The following ATP2B4 variants were observed in gnomAD, a reference collection of about 807,000 sequenced individuals.
ATP2B4 encodes plasma membrane calcium-transporting ATPase 4.
A neutral mutation model predicts 110.3 loss-of-function variants in ATP2B4; 39 were observed. The ratio of observed to expected loss-of-function variants is 0.35; its 90% CI spans 0.27 to 0.46. The LOEUF is 0.46. ATP2B4 is among the 20% of genes least tolerant of loss of function. ATP2B4 has a pLI of 1.00. For missense variants in ATP2B4, 1,135 were observed against 1,530.9 expected (o/e 0.74, Z 4.32); for synonymous variants, 538 against 571.7 (o/e 0.94, Z 0.84).
At chr1:203,696,375 C>T (rs1338090132) in intron 2 of ATP2B4, among the ~76,000 whole-genome samples, 1 of 152,184 alleles carries the variant, frequency 6.6e-6, no homozygotes, top group African/African-American at 2.4e-5. Context: ...CCTTTGCCTC[C>T]GTTTTGTCCC....
intron 2 of ATP2B4, among the ~76,000 whole-genome samples, chr1:203,688,265 T>C (rs533337477): frequency 6.6e-6 from 1 of 151,958 alleles, no homozygotes; most frequent in Admixed American, 6.6e-5. Context: ...ATTACAGGCA[T>C]GAGCCGCCAC....
intron 1 of ATP2B4, among the ~76,000 whole-genome samples, chr1:203,653,579 G>A (rs1290834676): frequency 6.6e-6 from 1 of 152,192 alleles, no homozygotes; most frequent in Non-Finnish European, 1.5e-5. Context: ...AGGGCAGCTG[G>A]TGACTTCAAG....
At chr1:203,708,274 G>T (rs1369745285) in intron 10 of ATP2B4, among the ~76,000 whole-genome samples, 170 bp downstream of exon 10, 1 of 152,146 alleles carries the variant, frequency 6.6e-6, no homozygotes, top group Non-Finnish European at 1.5e-5. Flanking sequence ...ATCCCTGGGA[G>T]TCAATGGAGG....
chr1:203,677,187 T>C lies in ATP2B4; in HGVS notation c.-464-5555T>C, dbSNP rs1234717499. 2.0e-5 allele frequency among the ~76,000 whole-genome samples: 3 copies of C among 152,266 alleles called. No homozygotes were observed. In the East Asian group the frequency reaches 5.8e-4, roughly 29 times the overall value. ...TTCAATGAAACAGTGTATGTAAGAA[T>C]GATAATAGCTACAGTGTGTGGACCA... On this transcript the variant is annotated intron_variant, in intron 1 of 20. Transcript: ENST00000357681.
intron 1 of ATP2B4, among the ~76,000 whole-genome samples, chr1:203,645,888 C>T (rs1197834404): frequency 1.3e-5 from 2 of 152,028 alleles, no homozygotes; most frequent in South Asian, 2.1e-4. Context: ...CGTGCCCGGC[C>T]GTATATTGCC....
At chr1:203,676,638 C>T (rs1558028714) in intron 1 of ATP2B4, among the ~76,000 whole-genome samples, 1 of 152,304 alleles carries the variant, frequency 6.6e-6, no homozygotes, top group East Asian at 1.9e-4. Context: ...AGAGAGAATG[C>T]AGAGCAGGTT....
rs1295889972 is a variant in ATP2B4 at position 203,703,525 on chromosome 1, G to A, written c.938-127G>A. 69 of 1,079,174 alleles carry A rather than the reference G, an allele frequency of 6.4e-5. No homozygotes were observed. The South Asian group carries it at 7.4e-4, about 12-fold the overall frequency. The allele number at this position is 1,079,174 out of a possible 1,614,324, so 66.8% of individuals were successfully genotyped here. A position where few individuals can be genotyped will look rare whatever the true frequency, so the allele number is the denominator to read the frequency against. Reference sequence around the variant, plus strand: ...TGTCTAGCATGGGTTGGAAGTGGTCGGAACTGATGTCAGGGTCCAAGGTAT... The same window carrying A: ...TGTCTAGCATGGGTTGGAAGTGGTCAGAACTGATGTCAGGGTCCAAGGTAT... On this transcript the variant is annotated intron_variant, in intron 7 of 20. Transcript: ENST00000357681.
At chr1:203,730,973 C>A (rs1571776444) in intron 20 of ATP2B4, among the ~76,000 whole-genome samples, 1 of 152,214 alleles carries the variant, frequency 6.6e-6, no homozygotes, top group East Asian at 1.9e-4. Flanking sequence ...CCCCCTGCCA[C>A]CTCCACGTTG....
At chr1:203,638,540 T>C (rs1663530198) in intron 1 of ATP2B4, among the ~76,000 whole-genome samples, 1 of 152,146 alleles carries the variant, frequency 6.6e-6, no homozygotes, top group Non-Finnish European at 1.5e-5. Context: ...CTCATTTTAC[T>C]GAGACAGAGC....
Position 203,700,738 on chromosome 1 carries a change from C to A in ATP2B4, c.776-60C>A, listed in dbSNP as rs1477627977. The A allele has an allele frequency of 4.4e-6, 7 of 1,600,244 alleles. No individual in the cohort carries two copies. The Admixed American group carries it at 1.0e-4, about 23-fold the overall frequency. The stretch of plus-strand genomic sequence containing the variant: ...TTTTCTTCTAAGTTTGTGTTTCATA[C>A]CAAATCATGTCTAGGTATTAAAAAA... On this transcript the variant is annotated intron_variant, in intron 5 of 20. Coordinates refer to ENST00000357681, the MANE Select transcript of ATP2B4 (RefSeq NM_001684.5).
chr1:203,634,795 C>T (rs377574504), intron 1 of ATP2B4, among the ~76,000 whole-genome samples: 3 of 152,120 alleles, frequency 2.0e-5, no homozygotes, highest in Non-Finnish European at 4.4e-5. Context: ...TCCCAAGTAC[C>T]TAGGACTACA....
intron 1 of ATP2B4, among the ~76,000 whole-genome samples, chr1:203,665,110 C>T (rs1664464720): frequency 6.6e-6 from 1 of 152,154 alleles, no homozygotes. Flanking sequence ...TGAGCCACCG[C>T]ACCCGGCCCT....
intron 1 of ATP2B4, among the ~76,000 whole-genome samples, chr1:203,649,130 C>T (rs1393809391): frequency 6.6e-6 from 1 of 152,108 alleles, no homozygotes; most frequent in Non-Finnish European, 1.5e-5. Context: ...TCCTTACTCC[C>T]CTGAGGTTGG....
At chr1:203,734,824 G>A (rs2102238497) in intron 20 of ATP2B4, among the ~76,000 whole-genome samples, 1 of 151,794 alleles carries the variant, frequency 6.6e-6, no homozygotes, top group South Asian at 2.1e-4. Context: ...CCAATATGGT[G>A]AAACCCTGTC....
At chr1:203,739,451 G>T in intron 20 of ATP2B4, 95 bp from the exon 21 acceptor site, 1 of 1,285,520 alleles carries the variant, frequency 7.8e-7, no homozygotes, top group South Asian at 1.4e-5. Flanking sequence ...TATAGTCTGG[G>T]TTTTGTTTCT....
At chr1:203,676,974 T>C (rs924936564) in intron 1 of ATP2B4, among the ~76,000 whole-genome samples, 1 of 152,200 alleles carries the variant, frequency 6.6e-6, no homozygotes, top group East Asian at 1.9e-4. Context: ...CAGATGGGTT[T>C]ATGTGAGCCT....
chr1:203,705,717 C>T (rs1269183013), intron 8 of ATP2B4, among the ~76,000 whole-genome samples: 1 of 152,172 alleles, frequency 6.6e-6, no homozygotes, highest in African/African-American at 2.4e-5. Flanking sequence ...GTACCTGTCC[C>T]CTGCCTTGTT....
intron 6 of ATP2B4, 58 bp downstream of exon 6, chr1:203,700,981 A>G: frequency 6.4e-7 from 1 of 1,567,998 alleles, no homozygotes; most frequent in Non-Finnish European, 8.7e-7. Flanking sequence ...CAAACAAGGA[A>G]GCGAGGGAGC....
chr1:203,702,660 G>A (rs1334855445), intron 7 of ATP2B4, among the ~76,000 whole-genome samples: 1 of 152,142 alleles, frequency 6.6e-6, no homozygotes, highest in Non-Finnish European at 1.5e-5. Flanking sequence ...TTTGGTGACT[G>A]TGTTCACATT....
Sources: gnomAD v4.1 joint callset for allele counts (sites outside exome capture counted in the v4.1 genomes callset) on GRCh38, gnomAD v4.1.1 for gene constraint, MANE v1.5 for transcripts, NCBI Gene and HGNC (gene_info 2026-07-23, HGNC 2026-07-21) for gene names.